Variants in FAM81A observed in about 807,000 individuals in gnomAD.
The protein encoded by FAM81A is protein FAM81A.
FAM81A carries 19 observed loss-of-function variants against 46.7 expected under a neutral mutation model. That is an observed-to-expected ratio of 0.41 (90% CI 0.28 to 0.60). The LOEUF is 0.60. Among genes scored for constraint, FAM81A ranks in the 20% least tolerant of loss-of-function variants. The pLI is 0.34. For missense variants in FAM81A, 377 were observed against 453.5 expected, an observed-to-expected ratio of 0.83 and a Z score of 1.53; for synonymous variants, 183 against 152.9, an observed-to-expected ratio of 1.20 and a Z score of -1.45.
chr15:59,437,519 G>A (rs1309039699), upstream of FAM81A, among the ~76,000 whole-genome samples: 1 of 152,142 alleles, frequency 6.6e-6, no homozygotes, highest in Non-Finnish European at 1.5e-5. Context: ...GGGCTGGGAA[G>A]AGGAGGGGTG....
chr15:59,480,376 G>A (rs868634600), intron 3 of FAM81A, among the ~76,000 whole-genome samples: 2 of 152,246 alleles, frequency 1.3e-5, no homozygotes, highest in Middle Eastern at 3.4e-3. Context: ...TGTCTGGGGG[G>A]CTTAGATGTC....
At chr15:59,482,795 G>A (rs971854366) in intron 3 of FAM81A, among the ~76,000 whole-genome samples, 4 of 152,214 alleles carry the variant, frequency 2.6e-5, no homozygotes, top group Non-Finnish European at 5.9e-5. Context: ...ACTAATAGGT[G>A]TTACTTCCTA....
chr15:59,444,223 G>A (rs564598537), intron 1 of FAM81A: 2 of 152,368 alleles, frequency 1.3e-5, no homozygotes, highest in South Asian at 4.1e-4. Flanking sequence ...AAATCATTAA[G>A]CAAGTGCACA....
rs555844972 is a variant in FAM81A, at chr15:59,411,037, A to G, written c.-78+8679A>G. ...AGTGCTGGGATTACAGAGGTGAGCC[A>G]CCGCGCCAGGCCCAGATGTTTCTTT... is the stretch of plus-strand genomic sequence containing the variant. On this transcript the variant is annotated intron_variant, in intron 2 of 4. Transcript: ENST00000558348. Among the ~76,000 whole-genome samples, 10 of 152,326 alleles carry G rather than the reference A, an allele frequency of 6.6e-5. No individual in the cohort carries two copies. The East Asian group carries it at 1.9e-3, about 29-fold the overall frequency.
Position 59,521,240 on chromosome 15 carries a change from A to C in FAM81A, c.983-14A>C, listed in dbSNP as rs1161976966. On this transcript the variant is annotated splice_polypyrimidine_tract_variant and intron_variant, in intron 8 of 8. Transcript: ENST00000288228. The stretch of plus-strand genomic sequence containing the variant: ...AAAATTGTTAACTGTTGTGAAATTT[A>C]CCTCTCCTTCAAGGGTTTACAGCCG... 1 of 1,599,554 alleles carries C rather than the reference A, an allele frequency of 6.3e-7. No homozygotes were observed. Among genetic ancestry groups the C allele is most frequent in the Non-Finnish European group, 8.5e-7 (1 of 1,174,828 alleles).
intron 4 of FAM81A, among the ~76,000 whole-genome samples, chr15:59,506,158 G>A (rs953549952): frequency 6.6e-6 from 1 of 151,046 alleles, no homozygotes; most frequent in East Asian, 1.9e-4. Flanking sequence ...TTGTTTGTTT[G>A]TTTTGTTTTG....
At chr15:59,476,070 C>T (rs1429455821) in intron 3 of FAM81A, among the ~76,000 whole-genome samples, 4 of 152,122 alleles carry the variant, frequency 2.6e-5, no homozygotes, top group African/African-American at 7.2e-5. Context: ...GTCGTCTTTT[C>T]GTATCCTTGC....
intron 1 of FAM81A, among the ~76,000 whole-genome samples, chr15:59,448,330 T>G (rs1324921122): frequency 3.3e-5 from 5 of 152,062 alleles, no homozygotes; most frequent in Non-Finnish European, 5.9e-5. Flanking sequence ...TGGGTGGAGA[T>G]TGTGCCACAG....
chr15:59,485,099 A>G (rs2081901435), intron 3 of FAM81A, among the ~76,000 whole-genome samples: 1 of 152,148 alleles, frequency 6.6e-6, no homozygotes, highest in Non-Finnish European at 1.5e-5. Flanking sequence ...CCACAGTAGA[A>G]TAGAGTACCA....
At chr15:59,507,639 C>A (rs78235151) in intron 5 of FAM81A, among the ~76,000 whole-genome samples, 1 of 152,214 alleles carries the variant, frequency 6.6e-6, no homozygotes, top group African/African-American at 2.4e-5. Flanking sequence ...TGAAAGCTAT[C>A]TCTTGCACAA....
intron 3 of FAM81A, among the ~76,000 whole-genome samples, chr15:59,478,942 G>A (rs1457427698): frequency 5.9e-5 from 9 of 152,182 alleles, no homozygotes; most frequent in Admixed American, 5.9e-4. Flanking sequence ...GCTAGAGATA[G>A]TCTCTAAGCC....
At chr15:59,401,640 G>A in intron 1 of FAM81A, 1 of 895,548 alleles carries the variant, frequency 1.1e-6, no homozygotes, top group Non-Finnish European at 1.9e-6. Flanking sequence ...ACTTTAGGCA[G>A]AGGGACTTCC....
chr15:59,468,041 G>T (rs1365744987), intron 3 of FAM81A, among the ~76,000 whole-genome samples: 1 of 152,080 alleles, frequency 6.6e-6, no homozygotes, highest in Non-Finnish European at 1.5e-5. Flanking sequence ...AACCAACCTT[G>T]CATCCCAGGG....
chr15:59,441,238 C>G (rs2081294165), intron 1 of FAM81A, among the ~76,000 whole-genome samples: 1 of 152,202 alleles, frequency 6.6e-6, no homozygotes, highest in Non-Finnish European at 1.5e-5. Flanking sequence ...CTACTCTGCC[C>G]CAACCCTTAC....
intron 3 of FAM81A, among the ~76,000 whole-genome samples, chr15:59,479,519 G>GAAAAAAAAAAAAAAAAAAAAAAAAAAA (rs57107735): frequency 5.5e-5 from 4 of 72,676 alleles, no homozygotes; most frequent in Non-Finnish European, 9.8e-5. Context: ...TCAAAAATAA[G>GAAAAAAAAAAAAAAAAAAAAAAAAAAA]AAAAAAAAAA....
Position 59,406,543 on chromosome 15 carries a change from G to T in FAM81A, c.-78+4185G>T, listed in dbSNP as rs1182726684. 2.0e-5 allele frequency among the ~76,000 whole-genome samples: 3 copies of T among 152,170 alleles called. 1 individual carries two copies. The highest frequency in any genetic ancestry group is 4.4e-5 in the Non-Finnish European group (3 of 68,044). On this transcript the variant is annotated intron_variant, in intron 2 of 4. Transcript: ENST00000558348. The stretch of plus-strand genomic sequence containing the variant: ...ATCATAAAGTTCACCCACTTTAAGT[G>T]TACAATTTGATAATTTTAGTAAGTT...
chr15:59,504,708 A>G (rs2082130802), intron 4 of FAM81A, among the ~76,000 whole-genome samples: 1 of 136,368 alleles, frequency 7.3e-6, no homozygotes, highest in South Asian at 2.2e-4. Context: ...TGTTAGAAAA[A>G]GTCTTTATTT....
intron 3 of FAM81A, among the ~76,000 whole-genome samples, chr15:59,463,458 T>G (rs1203779789): frequency 1.3e-5 from 2 of 152,202 alleles, no homozygotes; most frequent in Non-Finnish European, 2.9e-5. Context: ...TTTGGACTAG[T>G]CTATGTCCTT....
intron 2 of FAM81A, among the ~76,000 whole-genome samples, chr15:59,421,883 C>CTATA (rs2081175142): frequency 1.1e-5 from 1 of 88,678 alleles, no homozygotes; most frequent in Admixed American, 1.1e-4. Context: ...ATCTATCTAT[C>CTATA]TATCTATCTA....
Sources: gnomAD v4.1 joint callset for allele counts (sites outside exome capture counted in the v4.1 genomes callset) on GRCh38, gnomAD v4.1.1 for gene constraint, MANE v1.5 for transcripts, NCBI Gene and HGNC (gene_info 2026-07-23, HGNC 2026-07-21) for gene names.